The following DNAAF4 variants were observed in gnomAD, a reference collection of about 807,000 sequenced individuals.
DNAAF4 encodes dynein axonemal assembly factor 4, also known as dynein assembly factor 4, axonemal.
A neutral mutation model predicts 51.8 loss-of-function variants in DNAAF4; 43 were observed. The ratio of observed to expected loss-of-function variants is 0.83; its 90% CI spans 0.65 to 1.07. The LOEUF (loss-of-function observed/expected upper bound fraction) is 1.07, where lower values mean the gene tolerates loss of function less well. Among genes scored for constraint, DNAAF4 ranks in the 50% least tolerant of loss-of-function variants. DNAAF4 has a pLI of 0.00. For missense variants in DNAAF4, 581 were observed against 493.0 expected (o/e 1.18, Z -1.69); for synonymous variants, 194 against 165.6 (o/e 1.17, Z -1.32).
intron 5 of DNAAF4, among the ~76,000 whole-genome samples, chr15:55,450,772 G>C (rs1402556785): frequency 6.6e-6 from 1 of 152,138 alleles, no homozygotes; most frequent in Non-Finnish European, 1.5e-5. Flanking sequence ...TTATAATAGT[G>C]TAAGAGGTTT....
chr15:55,423,483 T>C (rs1471019231), intron 7 of DNAAF4, among the ~76,000 whole-genome samples: 2 of 152,092 alleles, frequency 1.3e-5, no homozygotes, highest in Admixed American at 6.6e-5. Flanking sequence ...GCTGGGATTA[T>C]AGGCATAACC....
chr15:55,505,102 G>A (rs1266367575), intron 1 of DNAAF4, among the ~76,000 whole-genome samples: 3 of 152,144 alleles, frequency 2.0e-5, no homozygotes, highest in Non-Finnish European at 4.4e-5. Flanking sequence ...CAAAAAGTGA[G>A]CAAAGGATAT....
chr15:55,435,196 A>G (rs2057587804), intron 7 of DNAAF4, 138 bp from the exon 8 acceptor site: 2 of 841,706 alleles, frequency 2.4e-6, no homozygotes, highest in South Asian at 2.0e-5. Flanking sequence ...CCTGCACTGA[A>G]TCCATCTCTT....
chr15:55,505,466 C>T lies in DNAAF4; in HGVS notation c.-256+2656G>A, dbSNP rs562864431. Among the ~76,000 whole-genome samples the T allele has an allele frequency of 4.5e-4, 68 of 152,188 alleles. 1 individual carries two copies. The South Asian group carries it at 8.5e-3, about 19-fold the overall frequency. Reference sequence around the variant, plus strand: ...ATGCTACTATAAAGACACATGCACACGTATGTTTACTGAGGCACTATTCAC... The same window carrying T: ...ATGCTACTATAAAGACACATGCACATGTATGTTTACTGAGGCACTATTCAC... On this transcript the variant is annotated intron_variant, in intron 1 of 9. Coordinates refer to ENST00000321149, the MANE Select transcript of DNAAF4 (RefSeq NM_130810.4).
chr15:55,499,300 T>C (rs999266556), intron 1 of DNAAF4, among the ~76,000 whole-genome samples: 5 of 152,110 alleles, frequency 3.3e-5, no homozygotes, highest in Admixed American at 2.6e-4. Context: ...GAGTGTTGGG[T>C]CTTATAGGGC....
chr15:55,429,658 A>G (rs553269463), downstream of DNAAF4, among the ~76,000 whole-genome samples: 13 of 152,110 alleles, frequency 8.5e-5, no homozygotes, highest in Admixed American at 8.5e-4. Flanking sequence ...TCTACTAAAA[A>G]TGCAAAAAAT....
At chr15:55,443,129 A>T (rs2057740548) in intron 6 of DNAAF4, 3 of 1,610,604 alleles carry the variant, frequency 1.9e-6, no homozygotes, top group African/African-American at 1.3e-5. Context: ...TATGAAGGCA[A>T]ACGTTTCCAG....
At chr15:55,447,100 G>C (rs1356186119) in intron 6 of DNAAF4, among the ~76,000 whole-genome samples, 1 of 149,242 alleles carries the variant, frequency 6.7e-6, no homozygotes, top group Non-Finnish European at 1.5e-5. Flanking sequence ...TCACTTCCCA[G>C]ATGGGGCGGC....
chr15:55,435,595 T>G (rs1352853443), intron 7 of DNAAF4, among the ~76,000 whole-genome samples: 6 of 152,194 alleles, frequency 3.9e-5, no homozygotes, highest in African/African-American at 1.4e-4. Context: ...GGATCAAGCT[T>G]TACTTGAAAT....
Position 55,430,890 on chromosome 15 carries a change from AC to A in DNAAF4, c.1154-112del, listed in dbSNP as rs1476070962. On this transcript the variant is annotated intron_variant, in intron 9 of 9. Transcript: ENST00000321149. ...ATAATCACTAGTAGCATGGTTCAGA[AC>A]AAGTACCAAGTTTTAAATTAGATTC... 3 of 813,680 alleles carry A rather than the reference AC, an allele frequency of 3.7e-6. No homozygotes were observed. In the East Asian group the frequency reaches 9.0e-5, roughly 25 times the overall value. The allele number at this position is 813,680 out of a possible 1,614,324, so 50.4% of individuals were successfully genotyped here.
chr15:55,481,366 A>G (rs2058408502), intron 4 of DNAAF4, among the ~76,000 whole-genome samples: 1 of 152,198 alleles, frequency 6.6e-6, no homozygotes, highest in South Asian at 2.1e-4. Context: ...CCCCTGGTCA[A>G]GGATACTAAG....
chr15:55,437,426 G>T (rs188734722), intron 7 of DNAAF4, among the ~76,000 whole-genome samples: 7,392 of 152,174 alleles, frequency 0.049, 247 homozygotes, highest in East Asian at 0.15. Flanking sequence ...CCCTGGTGTT[G>T]TAACAGACAA....
chr15:55,472,235 A>G (rs1215682041), intron 4 of DNAAF4, among the ~76,000 whole-genome samples: 2 of 152,246 alleles, frequency 1.3e-5, no homozygotes, highest in African/African-American at 4.8e-5. Context: ...AGGTCTTTCA[A>G]AGAAAAATCA....
At chr15:55,489,148 C>A (rs544475110) in intron 4 of DNAAF4, among the ~76,000 whole-genome samples, 1 of 151,768 alleles carries the variant, frequency 6.6e-6, no homozygotes, top group Non-Finnish European at 1.5e-5. Flanking sequence ...TCCTGCTGGT[C>A]AACTGTTCTG....
At chr15:55,484,498 A>AC (rs1234434223) in intron 4 of DNAAF4, among the ~76,000 whole-genome samples, 2 of 151,364 alleles carry the variant, frequency 1.3e-5, no homozygotes, top group Admixed American at 6.6e-5. Context: ...AAAAAAAAAA[A>AC]AAAAAACAGA....
chr15:55,433,400 G>A (rs1310327887), intron 8 of DNAAF4, among the ~76,000 whole-genome samples: 3 of 152,162 alleles, frequency 2.0e-5, no homozygotes, highest in Non-Finnish European at 4.4e-5. Flanking sequence ...GCCCAGGCGG[G>A]CGGATTACGA....
At chr15:55,438,428 T>C (rs1253437111) in intron 7 of DNAAF4, among the ~76,000 whole-genome samples, 1 of 151,884 alleles carries the variant, frequency 6.6e-6, no homozygotes, top group Non-Finnish European at 1.5e-5. Flanking sequence ...GATAATATGG[T>C]AATCTTTTTT....
At chr15:55,424,684 T>C (rs998822912) in intron 7 of DNAAF4, among the ~76,000 whole-genome samples, 3 of 152,264 alleles carry the variant, frequency 2.0e-5, no homozygotes, top group African/African-American at 7.2e-5. Context: ...TGCCTCAGCT[T>C]CCTGAGTACC....
chr15:55,470,121 G>A (rs933949787), intron 4 of DNAAF4, among the ~76,000 whole-genome samples: 10 of 151,336 alleles, frequency 6.6e-5, no homozygotes, highest in South Asian at 2.1e-4. Context: ...GCACGATCTC[G>A]GCTCACTGCA....
Sources: gnomAD v4.1 joint callset for allele counts (sites outside exome capture counted in the v4.1 genomes callset) on GRCh38, gnomAD v4.1.1 for gene constraint, MANE v1.5 for transcripts, NCBI Gene and HGNC (gene_info 2026-07-23, HGNC 2026-07-21) for gene names.